The following ZNF608 variants were observed in gnomAD, a reference collection of about 807,000 sequenced individuals.
ZNF608 encodes zinc finger protein 608.
A neutral mutation model predicts 109.0 loss-of-function variants in ZNF608; 12 were observed. That is an observed-to-expected ratio of 0.11 (90% CI 0.07 to 0.18). The LOEUF (loss-of-function observed/expected upper bound fraction) is 0.18, where lower values mean the gene tolerates loss of function less well. ZNF608 is among the 10% of genes least tolerant of loss of function. ZNF608 has a pLI of 1.00. For synonymous variants in ZNF608, 732 were observed against 717.4 expected, an observed-to-expected ratio of 1.02 and a Z score of -0.33; for missense variants, 1,707 against 1,879.3, an observed-to-expected ratio of 0.91 and a Z score of 1.70.
intron 3 of ZNF608, among the ~76,000 whole-genome samples, chr5:124,671,445 A>G (rs990068335): frequency 4.6e-5 from 7 of 152,160 alleles, no homozygotes; most frequent in African/African-American, 1.7e-4. Context: ...TTAAGTTTCT[A>G]ATAACTACTA....
chr5:124,697,765 T>C (rs1427208067), intron 3 of ZNF608, among the ~76,000 whole-genome samples: 10 of 152,198 alleles, frequency 6.6e-5, no homozygotes, highest in Admixed American at 6.5e-4. Flanking sequence ...CAATTAAGTA[T>C]TGAATGGGGA....
chr5:124,686,294 C>G (rs1454430547), intron 3 of ZNF608, among the ~76,000 whole-genome samples: 1 of 152,206 alleles, frequency 6.6e-6, no homozygotes, highest in Non-Finnish European at 1.5e-5. Flanking sequence ...GTCACCCTAT[C>G]AGGCAGGAGT....
At chr5:124,746,817 G>T, upstream of ZNF608, 1 of 975,694 alleles carries the variant, frequency 1.0e-6, no homozygotes, top group Non-Finnish European at 1.2e-6. Context: ...GGAGTAGAGG[G>T]AGGAGGAGGA....
rs11304171 is a variant in ZNF608 at position 124,638,254 on chromosome 5, GTT to G, written c.4533-350_4533-349del. On this transcript the variant is annotated intron_variant, in intron 9 of 9. Transcript: ENST00000513986. ...CATAAGCCACCACACCCGGCCAACA[GTT>G]TTTTTTTTTTTTAGTTTTGAGACAG... 1.7e-4 allele frequency among the ~76,000 whole-genome samples: 25 copies of G among 145,542 alleles called. 1 individual carries two copies. The highest frequency in any genetic ancestry group is 7.5e-4 in the Admixed American group (11 of 14,638).
chr5:124,700,595 C>T (rs1406438018), intron 3 of ZNF608, among the ~76,000 whole-genome samples: 2 of 152,232 alleles, frequency 1.3e-5, no homozygotes, highest in Non-Finnish European at 2.9e-5. Flanking sequence ...GTGCAAGAAC[C>T]TTGGCTCAAT....
Position 124,717,457 on chromosome 5 carries a change from C to A in ZNF608, c.907-16188G>T, listed in dbSNP as rs866644171. Among the ~76,000 whole-genome samples, 50 of 152,084 alleles carry A rather than the reference C, an allele frequency of 3.3e-4. 1 individual carries two copies. The highest frequency in any genetic ancestry group is 1.1e-3 in the African/African-American group (47 of 41,412). ...CTGCACTCCAGCCTGGGCGACAGAGCGAGACTCCACCTTAAATAAATAAAT... is the reference window on the plus strand; with the variant it reads ...CTGCACTCCAGCCTGGGCGACAGAGAGAGACTCCACCTTAAATAAATAAAT... On this transcript the variant is annotated intron_variant, in intron 2 of 9. Transcript: ENST00000513986.
At chr5:124,742,835 T>C (rs966854005) in intron 2 of ZNF608, among the ~76,000 whole-genome samples, 15 of 152,080 alleles carry the variant, frequency 9.9e-5, no homozygotes, top group Non-Finnish European at 1.9e-4. Context: ...TCCAAAGACA[T>C]ATTATCACCA....
chr5:124,689,647 G>A (rs1221101695), intron 3 of ZNF608, among the ~76,000 whole-genome samples: 2 of 152,118 alleles, frequency 1.3e-5, no homozygotes, highest in African/African-American at 2.4e-5. Context: ...CAGCAAAGAG[G>A]CTCCACATCA....
At chr5:124,638,855 G>T in intron 9 of ZNF608, 14 of 1,138,060 alleles carry the variant, frequency 1.2e-5, no homozygotes, top group Non-Finnish European at 1.6e-5. Flanking sequence ...GGGAGTCATG[G>T]TGAATTATTT....
chr5:124,655,914 G>T (rs922012639), intron 3 of ZNF608, among the ~76,000 whole-genome samples: 1 of 152,154 alleles, frequency 6.6e-6, no homozygotes, highest in Non-Finnish European at 1.5e-5. Flanking sequence ...TACAACTAAG[G>T]TTGCTCATAA....
intron 5 of ZNF608, 105 bp downstream of exon 5, chr5:124,646,573 TG>T: frequency 7.2e-7 from 1 of 1,380,166 alleles, no homozygotes; most frequent in Non-Finnish European, 9.7e-7. Flanking sequence ...AAAACTAATA[TG>T]GGTTTCTTTC....
At chr5:124,724,637 C>T (rs1394237352) in intron 2 of ZNF608, among the ~76,000 whole-genome samples, 1 of 151,202 alleles carries the variant, frequency 6.6e-6, no homozygotes, top group Non-Finnish European at 1.5e-5. Context: ...TGTGTGTGTA[C>T]ACAACCAGAG....
At chr5:124,706,993 C>T (rs1182959058) in intron 2 of ZNF608, among the ~76,000 whole-genome samples, 1 of 152,074 alleles carries the variant, frequency 6.6e-6, no homozygotes, top group African/African-American at 2.4e-5. Flanking sequence ...TGTGTGTAAT[C>T]AGAGGGCTGG....
At chr5:124,639,792 A>G (rs927466374) in intron 8 of ZNF608, among the ~76,000 whole-genome samples, 4 of 152,212 alleles carry the variant, frequency 2.6e-5, no homozygotes, top group South Asian at 2.1e-4. Context: ...TTTAAATTCT[A>G]TAGAAGACAG....
intron 2 of ZNF608, among the ~76,000 whole-genome samples, chr5:124,737,148 A>C (rs533903741): frequency 1.3e-5 from 2 of 152,250 alleles, no homozygotes; most frequent in East Asian, 3.8e-4. Flanking sequence ...TAATAAGCCA[A>C]TTCCACAACC....
intron 3 of ZNF608, among the ~76,000 whole-genome samples, chr5:124,663,321 C>T (rs940581256): frequency 6.6e-6 from 1 of 152,152 alleles, no homozygotes; most frequent in African/African-American, 2.4e-5. Flanking sequence ...GAGGGAAAGG[C>T]GAGTGGTGTG....
At chr5:124,704,316 T>C (rs1378254763) in intron 2 of ZNF608, among the ~76,000 whole-genome samples, 1 of 152,338 alleles carries the variant, frequency 6.6e-6, no homozygotes, top group African/African-American at 2.4e-5. Flanking sequence ...CGGCTTCTCA[T>C]GGTGGCTCAG....
intron 2 of ZNF608, among the ~76,000 whole-genome samples, chr5:124,703,861 T>C (rs898459777): frequency 6.6e-6 from 1 of 152,134 alleles, no homozygotes. Flanking sequence ...ACTAAATCCT[T>C]ATTTCAACAT....
intron 8 of ZNF608, among the ~76,000 whole-genome samples, 153 bp from the exon 9 acceptor site, chr5:124,639,367 A>C (rs757813825): frequency 3.9e-5 from 6 of 152,224 alleles, no homozygotes; most frequent in Non-Finnish European, 7.4e-5. Flanking sequence ...CACAGTACAA[A>C]CCATTTGGTC....
Sources: gnomAD v4.1 joint callset for allele counts (sites outside exome capture counted in the v4.1 genomes callset) on GRCh38, gnomAD v4.1.1 for gene constraint, MANE v1.5 for transcripts, NCBI Gene and HGNC (gene_info 2026-07-23, HGNC 2026-07-21) for gene names.